Variants in DAB1 observed in about 807,000 individuals in gnomAD.
DAB1 encodes the protein disabled homolog 1.
A neutral mutation model predicts 64.6 loss-of-function variants in DAB1; 15 were observed. The ratio of observed to expected loss-of-function variants is 0.23; its 90% CI spans 0.16 to 0.36. The LOEUF (loss-of-function observed/expected upper bound fraction) is 0.36, where lower values mean the gene tolerates loss of function less well. DAB1 is among the 10% of genes least tolerant of loss of function. The pLI is 1.00. For missense variants in DAB1, 596 were observed against 706.7 expected (o/e 0.84, Z 1.78); for synonymous variants, 235 against 251.9 (o/e 0.93, Z 0.64).
chr1:57,057,814 T>C (rs1570610285), intron 9 of DAB1, among the ~76,000 whole-genome samples: 2 of 152,106 alleles, frequency 1.3e-5, no homozygotes, highest in South Asian at 4.2e-4. Context: ...TTCACTGTAT[T>C]AGCCAGGATG....
intron 6 of DAB1, among the ~76,000 whole-genome samples, chr1:57,714,903 C>G (rs1163415700): frequency 1.3e-5 from 2 of 152,154 alleles, no homozygotes; most frequent in African/African-American, 2.4e-5. Flanking sequence ...GAAAAGGGAA[C>G]AGTTAAAGAA....
chr1:57,947,637 A>G (rs1306382815), intron 5 of DAB1, among the ~76,000 whole-genome samples: 1 of 151,834 alleles, frequency 6.6e-6, no homozygotes, highest in African/African-American at 2.4e-5. Flanking sequence ...TATCTGACTC[A>G]CGTTCGATGC....
intron 7 of DAB1, among the ~76,000 whole-genome samples, chr1:57,534,493 G>T (rs1232054728): frequency 6.6e-6 from 1 of 152,176 alleles, no homozygotes; most frequent in Non-Finnish European, 1.5e-5. Context: ...CCAGGCTGTG[G>T]GATCAATTAG....
At chr1:57,573,003 G>T (rs1378658844) in intron 7 of DAB1, among the ~76,000 whole-genome samples, 1 of 152,198 alleles carries the variant, frequency 6.6e-6, no homozygotes, top group Non-Finnish European at 1.5e-5. Flanking sequence ...TCCATCTCCA[G>T]AATTGAGGGT....
intron 7 of DAB1, among the ~76,000 whole-genome samples, chr1:57,606,376 C>CTATATATATATATATA (rs58167700): frequency 3.1e-4 from 36 of 117,922 alleles, no homozygotes; most frequent in African/African-American, 1.1e-3. Context: ...CATTCTAATC[C>CTATATATATATATATA]TATATATATA....
chr1:58,148,241 T>C (rs761855213), intron 5 of DAB1, among the ~76,000 whole-genome samples: 3 of 152,326 alleles, frequency 2.0e-5, no homozygotes, highest in Middle Eastern at 6.8e-3. Context: ...ACCAGGACTA[T>C]TGCACTTATC....
At chr1:57,326,398 G>A (rs901317430) in intron 1 of DAB1, among the ~76,000 whole-genome samples, 1 of 152,166 alleles carries the variant, frequency 6.6e-6, no homozygotes, top group African/African-American at 2.4e-5. Context: ...ACTAGTCTAT[G>A]GAGGTACTTT....
intron 7 of DAB1, among the ~76,000 whole-genome samples, chr1:57,593,774 G>C (rs1039290887): frequency 6.6e-6 from 1 of 152,164 alleles, no homozygotes; most frequent in African/African-American, 2.4e-5. Flanking sequence ...CTTTACTTCT[G>C]TAAGGTCAGC....
At chr1:58,454,631 C>T (rs1268945741) in intron 3 of DAB1, among the ~76,000 whole-genome samples, 1 of 152,160 alleles carries the variant, frequency 6.6e-6, no homozygotes, top group Non-Finnish European at 1.5e-5. Flanking sequence ...TAAGTAGCAT[C>T]AGCCTCCTCC....
At chr1:57,226,622 C>A (rs1268520932) in intron 2 of DAB1, among the ~76,000 whole-genome samples, 1 of 147,780 alleles carries the variant, frequency 6.8e-6, no homozygotes, top group Non-Finnish European at 1.5e-5. Flanking sequence ...CAAGAGTGAG[C>A]CCTTCAAAAA....
intron 4 of DAB1, among the ~76,000 whole-genome samples, chr1:58,322,805 G>A (rs902282260): frequency 5.3e-5 from 8 of 152,050 alleles, no homozygotes; most frequent in South Asian, 2.1e-4. Context: ...GTTTATTGCC[G>A]CACTATTCAC....
chr1:57,052,891 C>T (rs1236336339), intron 9 of DAB1, among the ~76,000 whole-genome samples: 1 of 152,166 alleles, frequency 6.6e-6, no homozygotes, highest in Admixed American at 6.5e-5. Flanking sequence ...TTATATTTAG[C>T]CCAGATGTTC....
At chr1:57,154,125 T>G (rs1659983323) in intron 2 of DAB1, among the ~76,000 whole-genome samples, 1 of 152,232 alleles carries the variant, frequency 6.6e-6, no homozygotes, top group Admixed American at 6.5e-5. Flanking sequence ...GTCACCTTGT[T>G]GTGCTATCAA....
intron 4 of DAB1, among the ~76,000 whole-genome samples, chr1:58,159,684 G>A (rs1439904752): frequency 1.3e-5 from 2 of 152,246 alleles, no homozygotes; most frequent in Admixed American, 6.5e-5. Context: ...CCCAAGGTAC[G>A]TGGCGGCTGA....
intron 6 of DAB1, among the ~76,000 whole-genome samples, chr1:57,676,484 A>G (rs1214184164): frequency 6.6e-6 from 1 of 152,222 alleles, no homozygotes; most frequent in African/African-American, 2.4e-5. Flanking sequence ...TTCCTGTTAC[A>G]TTTTTAAGTC....
intron 1 of DAB1, among the ~76,000 whole-genome samples, chr1:58,546,127 T>C (rs1646700099): frequency 6.6e-6 from 1 of 152,050 alleles, no homozygotes; most frequent in Non-Finnish European, 1.5e-5. Flanking sequence ...TGTAGACGAG[T>C]TTACGAGGAA....
At chr1:57,182,482 A>G (rs1663079925) in intron 2 of DAB1, among the ~76,000 whole-genome samples, 1 of 152,194 alleles carries the variant, frequency 6.6e-6, no homozygotes. Context: ...TCTACATTGT[A>G]TCACAAGGCC....
rs1569706048 is a variant in DAB1, at chr1:58,378,794, C to T, written n.258-35391G>A. On this transcript the variant is annotated intron_variant and non_coding_transcript_variant, in intron 3 of 20. Coordinates refer to the DAB1 transcript ENST00000485760. ...CTCCCCCAGCCTCGCTGCCGCCTTG[C>T]AGTTTGATCTCAGACTGCTGTGCTA... 4.4e-5 allele frequency among the ~76,000 whole-genome samples: 5 copies of T among 112,618 alleles called. No individual in the cohort carries two copies. In the East Asian group the frequency reaches 1.2e-3, roughly 27 times the overall value. The allele number at this position is 112,618 out of a possible 152,430, so 73.9% of individuals were successfully genotyped here.
At chr1:57,285,584 T>C (rs770861162) in intron 2 of DAB1, among the ~76,000 whole-genome samples, 3 of 152,124 alleles carry the variant, frequency 2.0e-5, no homozygotes, top group South Asian at 2.1e-4. Flanking sequence ...CTCACCTTTC[T>C]AATGACAAGT....
Sources: gnomAD v4.1 joint callset for allele counts (sites outside exome capture counted in the v4.1 genomes callset) on GRCh38, gnomAD v4.1.1 for gene constraint, MANE v1.5 for transcripts, NCBI Gene and HGNC (gene_info 2026-07-23, HGNC 2026-07-21) for gene names.